Variants in RPTOR observed in about 807,000 individuals in gnomAD.
The protein encoded by RPTOR is regulatory associated protein of MTOR complex 1.
RPTOR carries 21 observed loss-of-function variants against 169.9 expected under a neutral mutation model. That is an observed-to-expected ratio of 0.12 (90% CI 0.09 to 0.18). The LOEUF (loss-of-function observed/expected upper bound fraction) is 0.18, where lower values mean the gene tolerates loss of function less well. Among genes scored for constraint, RPTOR ranks in the 10% least tolerant of loss-of-function variants. The probability of loss-of-function intolerance (pLI) is 1.00; values close to 1 mark genes in which losing one functional copy is unlikely to be tolerated. For synonymous variants in RPTOR, 732 were observed against 753.2 expected, an observed-to-expected ratio of 0.97 and a Z score of 0.46; for missense variants, 1,133 against 1,855.9, an observed-to-expected ratio of 0.61 and a Z score of 7.16.
chr17:80,919,706 C>A (rs1475555566), intron 21 of RPTOR, among the ~76,000 whole-genome samples: 2 of 152,216 alleles, frequency 1.3e-5, no homozygotes, highest in Non-Finnish European at 2.9e-5. Flanking sequence ...CATGTGCGCA[C>A]TGGCCCAAGA....
intron 20 of RPTOR, among the ~76,000 whole-genome samples, chr17:80,894,868 C>T (rs549398399): frequency 6.6e-6 from 1 of 152,372 alleles, no homozygotes; most frequent in Non-Finnish European, 1.5e-5. Context: ...CACTTTCCCT[C>T]CCTGGCCATG....
chr17:80,796,991 G>C (rs375552326), intron 7 of RPTOR, among the ~76,000 whole-genome samples: 1 of 152,206 alleles, frequency 6.6e-6, no homozygotes, highest in Non-Finnish European at 1.5e-5. Context: ...CCAAGTGGAC[G>C]TCAGTTTTTA....
chr17:80,710,832 C>T (rs2066183962), intron 4 of RPTOR, among the ~76,000 whole-genome samples: 1 of 152,134 alleles, frequency 6.6e-6, no homozygotes, highest in South Asian at 2.1e-4. Context: ...GTCTTGCTGT[C>T]CTTGCCTAGG....
chr17:80,895,261 GC>G (rs924411656), intron 20 of RPTOR, among the ~76,000 whole-genome samples: 3 of 152,208 alleles, frequency 2.0e-5, no homozygotes, highest in African/African-American at 7.2e-5. Flanking sequence ...GCATATGGTG[GC>G]CGCTCCCCTC....
At chr17:80,822,117 G>T (rs936295878) in intron 7 of RPTOR, 84 bp from the exon 8 acceptor site, 10 of 1,283,020 alleles carry the variant, frequency 7.8e-6, no homozygotes, top group Non-Finnish European at 9.1e-6. Context: ...TTCGCCGCCC[G>T]CGCCCTTTTT....
Position 80,708,579 on chromosome 17 carries a change from G to A in RPTOR, c.507+580G>A, listed in dbSNP as rs145960291. Among the ~76,000 whole-genome samples the A allele has an allele frequency of 3.3e-5, 5 of 150,988 alleles. No individual in the cohort carries two copies. The highest frequency in any genetic ancestry group is 1.2e-4 in the African/African-American group (5 of 40,594). ...CCCCATCCTCCAGGGTGTGGTGGGT[G>A]CTGACTGTTGTCCCCACCCTCCAGG... On this transcript the variant is annotated intron_variant, in intron 4 of 33. Coordinates refer to ENST00000306801, the MANE Select transcript of RPTOR (RefSeq NM_020761.3). The surrounding 1 kb of genome is among the most constrained non-coding windows in gnomAD (Gnocchi z 4.2).
chr17:80,627,563 A>G (rs1373513521), intron 2 of RPTOR, among the ~76,000 whole-genome samples: 3 of 152,244 alleles, frequency 2.0e-5, no homozygotes, highest in East Asian at 1.9e-4. Context: ...TATAGTTTGT[A>G]GTTTTTGTAT....
chr17:80,830,356 A>G (rs1191477283), intron 9 of RPTOR, among the ~76,000 whole-genome samples: 1 of 152,182 alleles, frequency 6.6e-6, no homozygotes, highest in Non-Finnish European at 1.5e-5. Context: ...CACTGCCACC[A>G]AAACATTATG....
chr17:80,895,745 G>A (rs577913881), intron 20 of RPTOR, among the ~76,000 whole-genome samples: 4 of 152,260 alleles, frequency 2.6e-5, no homozygotes, highest in South Asian at 2.1e-4. Flanking sequence ...CCCCCATCTC[G>A]CCACTCTCTA....
At chr17:80,898,662 C>T (rs1416706363) in intron 20 of RPTOR, among the ~76,000 whole-genome samples, 1 of 123,492 alleles carries the variant, frequency 8.1e-6, no homozygotes, top group Admixed American at 8.0e-5. Context: ...CCCCGCTCCC[C>T]CCCCGCTCCC....
chr17:80,616,715 A>C (rs115276394), intron 1 of RPTOR, among the ~76,000 whole-genome samples: 1 of 152,154 alleles, frequency 6.6e-6, no homozygotes, highest in Non-Finnish European at 1.5e-5. Flanking sequence ...TTTGAGCCCT[A>C]TTGAAGCAAT....
intron 6 of RPTOR, among the ~76,000 whole-genome samples, chr17:80,761,690 G>A (rs1334338485): frequency 1.3e-5 from 2 of 152,180 alleles, no homozygotes; most frequent in Non-Finnish European, 2.9e-5. Context: ...TTAACCATGT[G>A]TTCTCCAAGG....
At chr17:80,806,989 T>C (rs1407355719) in intron 7 of RPTOR, among the ~76,000 whole-genome samples, 1 of 152,226 alleles carries the variant, frequency 6.6e-6, no homozygotes, top group African/African-American at 2.4e-5. Context: ...CTCACCCTTC[T>C]TGGGAGAATG....
At chr17:80,764,797 G>A (rs1022940008) in intron 6 of RPTOR, among the ~76,000 whole-genome samples, 3 of 152,088 alleles carry the variant, frequency 2.0e-5, no homozygotes, top group Admixed American at 6.5e-5. Flanking sequence ...AAGTGTTCCT[G>A]TTTCTCCACA....
chr17:80,923,886 G>A lies in RPTOR; in HGVS notation c.2808+213G>A, dbSNP rs2068779104. Reference sequence around the variant, plus strand: ...TCTGCCTGCACTCCTTAGGAGCACTGCTGGGTGTGTCCCGGTCCCTCTGCC... The same window carrying A: ...TCTGCCTGCACTCCTTAGGAGCACTACTGGGTGTGTCCCGGTCCCTCTGCC... On this transcript the variant is annotated intron_variant, in intron 23 of 33. Transcript: ENST00000306801. 3 of 573,504 alleles carry A rather than the reference G, an allele frequency of 5.2e-6. No individual in the cohort carries two copies. The African/African-American group carries it at 6.2e-5, about 12-fold the overall frequency. 35.5% of individuals were successfully genotyped at this position (573,504 alleles called of 1,614,324 possible).
intron 3 of RPTOR, among the ~76,000 whole-genome samples, chr17:80,693,561 C>T (rs1046613383): frequency 1.3e-5 from 2 of 152,232 alleles, no homozygotes; most frequent in Non-Finnish European, 2.9e-5. Flanking sequence ...ACAAATTTCA[C>T]GTAACTCTGC....
intron 3 of RPTOR, among the ~76,000 whole-genome samples, chr17:80,669,082 G>A (rs534163434): frequency 2.6e-5 from 4 of 152,210 alleles, no homozygotes; most frequent in Admixed American, 6.5e-5. Context: ...GCTACCCTAA[G>A]TGTGCACCGA....
At chr17:80,931,976 G>A (rs916496583) in intron 24 of RPTOR, among the ~76,000 whole-genome samples, 2 of 152,162 alleles carry the variant, frequency 1.3e-5, no homozygotes, top group Admixed American at 6.5e-5. Flanking sequence ...AAACCCTCCC[G>A]AAACCCAGGC....
rs188952865 is a variant in RPTOR, at chr17:80,958,626, A to G, written c.3477+896A>G. Among the ~76,000 whole-genome samples, 174 of 151,544 alleles carry G rather than the reference A, an allele frequency of 1.1e-3. 2 individuals are homozygous for G. The East Asian group carries it at 0.023, about 20-fold the overall frequency. On this transcript the variant is annotated intron_variant, in intron 29 of 33. Transcript: ENST00000306801. ...AGACGGCGTTTCACGTGTTAGCCAGAATGGTCTCTATCTCCTGACCTCGTG... is the reference window on the plus strand; with the variant it reads ...AGACGGCGTTTCACGTGTTAGCCAGGATGGTCTCTATCTCCTGACCTCGTG...
Sources: gnomAD v4.1 joint callset for allele counts (sites outside exome capture counted in the v4.1 genomes callset) on GRCh38, gnomAD v4.1.1 for gene constraint, Gnocchi (gnomAD v3.1) non-coding constraint, MANE v1.5 for transcripts, NCBI Gene and HGNC (gene_info 2026-07-23, HGNC 2026-07-21) for gene names.